DOCK1: variants seen among roughly 807,000 people sequenced by gnomAD.
The protein encoded by DOCK1 is dedicator of cytokinesis protein 1.
Under a neutral mutation model 262.7 loss-of-function variants are expected in DOCK1, and 138 were observed. The ratio of observed to expected loss-of-function variants is 0.53; its 90% confidence interval spans 0.46 to 0.61. The LOEUF (loss-of-function observed/expected upper bound fraction) is 0.61. Ranked by LOEUF, DOCK1 falls within the 20% of genes least tolerant of loss-of-function variation. The pLI is 0.00. For synonymous variants in DOCK1, 866 were observed against 867.4 expected (o/e 1.00, Z 0.03); for missense variants, 1,908 against 2,370.7 (o/e 0.80, Z 4.05).
intron 27 of DOCK1, among the ~76,000 whole-genome samples, chr10:127,129,479 A>G (rs2050173322): frequency 6.6e-6 from 1 of 152,194 alleles, no homozygotes; most frequent in Non-Finnish European, 1.5e-5. Context: ...CATGATAATT[A>G]TTCATAGTCT....
At position 127,075,791 on chromosome 10, in the gene DOCK1, G is replaced by A. The variant is rs58391545; in HGVS notation, c.2445+14015G>A. 7.6e-3 allele frequency among the ~76,000 whole-genome samples: 1,156 copies of A among 152,256 alleles called. 19 individuals are homozygous for A. The highest frequency in any genetic ancestry group is 0.026 in the African/African-American group (1,099 of 41,552). On this transcript the variant is annotated intron_variant, in intron 23 of 51. Coordinates refer to ENST00000623213, the MANE Select transcript of DOCK1 (RefSeq NM_001290223.2). ...TCCCACCATGCCGCTCACCCGACAC[G>A]TGGGGATTACAATTTGAGATGAGAT...
rs760384236 is a variant in DOCK1 at position 127,032,166 on chromosome 10, C to T, written c.1758C>T (p.Ala586=). ...KAEAKKLEDA[A]TYLSLPSTKA... ...AAGCAAAGAAGCTGGAAGATGCTGC[C>T]ACGTACTTGAGTCTGCCCTCCACGA... Residue 586 remains alanine (A), a synonymous_variant, in exon 18 of 52, where the codon GCC becomes GCT. Coordinates refer to ENST00000623213, the MANE Select transcript of DOCK1 (RefSeq NM_001290223.2). 3.1e-6 allele frequency: 5 copies of T among 1,596,934 alleles called. No individual in the cohort carries two copies. In the African/African-American group the frequency reaches 5.4e-5, roughly 17 times the overall value.
At chr10:127,140,986 C>T (rs1206452857) in intron 27 of DOCK1, among the ~76,000 whole-genome samples, 1 of 152,178 alleles carries the variant, frequency 6.6e-6, no homozygotes, top group Non-Finnish European at 1.5e-5. Context: ...CTTCCTGCTG[C>T]CCGGCAGACC....
intron 27 of DOCK1, among the ~76,000 whole-genome samples, chr10:127,171,450 T>C (rs1229668173): frequency 1.3e-5 from 2 of 152,210 alleles, no homozygotes; most frequent in Non-Finnish European, 2.9e-5. Context: ...ATGACCCCTT[T>C]GGGCCAGGTC....
intron 23 of DOCK1, among the ~76,000 whole-genome samples, chr10:127,075,840 C>A (rs1386830073): frequency 1.3e-5 from 2 of 152,198 alleles, no homozygotes; most frequent in East Asian, 3.9e-4. Context: ...CAGAACCAAA[C>A]CATATCACTC....
intron 2 of DOCK1, among the ~76,000 whole-genome samples, chr10:126,976,166 T>C (rs551554097): frequency 6.6e-6 from 1 of 152,312 alleles, no homozygotes; most frequent in South Asian, 2.1e-4. Context: ...GGCTTTGATA[T>C]ATGAGCACTG....
At chr10:127,357,318 A>C (rs762827603) in intron 32 of DOCK1, among the ~76,000 whole-genome samples, 19 of 152,190 alleles carry the variant, frequency 1.2e-4, no homozygotes, top group Non-Finnish European at 2.6e-4. Context: ...CACCACTGAA[A>C]GTGGCTCCAT....
Position 127,176,552 on chromosome 10 carries a change from G to A in DOCK1, c.2847+48788G>A, listed in dbSNP as rs538821100. Among the ~76,000 whole-genome samples the A allele has an allele frequency of 6.6e-6, 1 of 152,120 alleles. No homozygotes were observed. Among genetic ancestry groups the A allele is most frequent in the Non-Finnish European group, 1.5e-5 (1 of 68,020 alleles). On this transcript the variant is annotated intron_variant, in intron 27 of 51. Coordinates refer to ENST00000623213, the MANE Select transcript of DOCK1 (RefSeq NM_001290223.2). The surrounding 1 kb of genome is among the most constrained non-coding windows in gnomAD (Gnocchi z 4.4). ...GCCTTTATGTTAAGGAAAATCACAC[G>A]GGCTGAGAGTCGCTGGCAGCACAGC... is the stretch of plus-strand genomic sequence containing the variant.
intron 44 of DOCK1, among the ~76,000 whole-genome samples, chr10:127,416,065 C>T (rs893655087): frequency 3.9e-5 from 6 of 152,220 alleles, no homozygotes; most frequent in Admixed American, 6.5e-5. Context: ...TGCCCAGCTG[C>T]GTGTCCAGCG....
Position 127,447,437 on chromosome 10 carries a change from C to G in DOCK1, c.5457C>G (p.Val1819=). 6.2e-7 allele frequency: 1 copy of G among 1,613,378 alleles called. No homozygotes were observed. The highest frequency in any genetic ancestry group is 8.5e-7 in the Non-Finnish European group (1 of 1,179,630). Residue 1819 remains valine, a synonymous_variant, in exon 51 of 52, where the codon GTC becomes GTG. Transcript: ENST00000623213. ...NGMTGADVAD[V]PPPLPLKGSV... ...TGACGGGGGCGGACGTGGCCGATGT[C>G]CCACCCCCTCTGCCTCTCAAAGGCA...
chr10:126,959,302 C>T (rs1459684396), intron 1 of DOCK1, among the ~76,000 whole-genome samples: 1 of 152,116 alleles, frequency 6.6e-6, no homozygotes, highest in Non-Finnish European at 1.5e-5. Context: ...CAAGTTTTCC[C>T]CCACAAAACA....
intron 25 of DOCK1, among the ~76,000 whole-genome samples, chr10:127,117,365 AATCT>A (rs1486876620): frequency 6.6e-6 from 1 of 152,198 alleles, no homozygotes; most frequent in African/African-American, 2.4e-5. Context: ...GCTTCTTACA[AATCT>A]ATCAGCCCAC....
chr10:127,373,681 A>G (rs937428094), intron 33 of DOCK1, 100 bp from the exon 34 acceptor site: 3 of 1,092,070 alleles, frequency 2.7e-6, no homozygotes, highest in African/African-American at 1.6e-5. Flanking sequence ...GTAGCCATCT[A>G]TGATGATCTC....
chr10:127,031,579 A>G, intron 16 of DOCK1, 71 bp from the exon 17 acceptor site: 1 of 1,201,644 alleles, frequency 8.3e-7, no homozygotes, highest in Non-Finnish European at 1.2e-6. Context: ...TAGCCTTTGT[A>G]GCTTCTTATA....
intron 1 of DOCK1, among the ~76,000 whole-genome samples, chr10:126,949,566 C>G (rs986067271): frequency 6.6e-6 from 1 of 152,084 alleles, no homozygotes; most frequent in African/African-American, 2.4e-5. Context: ...AAGGGCAGAG[C>G]TGGGACATGG....
intron 29 of DOCK1, among the ~76,000 whole-genome samples, chr10:127,271,632 G>T (rs1384896599): frequency 3.3e-5 from 5 of 152,028 alleles, no homozygotes; most frequent in Non-Finnish European, 5.9e-5. Context: ...CTTTGGCACT[G>T]GGGGGGATAT....
At chr10:126,996,639 G>A (rs989900603) in intron 6 of DOCK1, 109 bp from the exon 7 acceptor site, 5 of 1,156,322 alleles carry the variant, frequency 4.3e-6, no homozygotes, top group Middle Eastern at 2.2e-4. Context: ...GGGCAAGCCC[G>A]AGTTTCTAGG....
chr10:127,207,716 A>G (rs534302352), intron 27 of DOCK1, among the ~76,000 whole-genome samples: 88 of 152,302 alleles, frequency 5.8e-4, no homozygotes, highest in Middle Eastern at 6.8e-3. Flanking sequence ...GTAACATTTC[A>G]AAGGTCATGA....
intron 31 of DOCK1, among the ~76,000 whole-genome samples, chr10:127,353,999 T>TGTA (rs1565018085): frequency 1.3e-5 from 2 of 151,722 alleles, no homozygotes. Context: ...TTATTTTTAA[T>TGTA]ATCAGCTTTT....
Sources: gnomAD v4.1 joint callset for allele counts (sites outside exome capture counted in the v4.1 genomes callset) on GRCh38, gnomAD v4.1.1 for gene constraint, Gnocchi (gnomAD v3.1) non-coding constraint, MANE v1.5 for transcripts, NCBI Gene and HGNC (gene_info 2026-07-23, HGNC 2026-07-21) for gene names.